MAGI2: variants seen among roughly 807,000 people sequenced by gnomAD.
The protein encoded by MAGI2 is membrane-associated guanylate kinase, WW and PDZ domain-containing protein 2.
A neutral mutation model predicts 133.3 loss-of-function variants in MAGI2; 35 were observed. That is an observed-to-expected ratio of 0.26 (90% CI 0.20 to 0.35). MAGI2 has a LOEUF of 0.35. MAGI2 is among the 10% of genes least tolerant of loss of function. The pLI, the probability that MAGI2 is intolerant of heterozygous loss-of-function variation, is 1.00. For synonymous variants in MAGI2, 729 were observed against 710.6 expected (o/e 1.03, Z -0.41); for missense variants, 1,636 against 1,863.4 (o/e 0.88, Z 2.25).
chr7:79,247,588 G>A (rs910489061), intron 1 of MAGI2, among the ~76,000 whole-genome samples: 5 of 152,118 alleles, frequency 3.3e-5, no homozygotes. Flanking sequence ...ATTCCAGCCT[G>A]AGTGACAGCA....
chr7:78,379,899 G>T (rs1008881546), intron 6 of MAGI2, among the ~76,000 whole-genome samples: 1 of 151,940 alleles, frequency 6.6e-6, no homozygotes, highest in South Asian at 2.1e-4. Context: ...TATGATCAAA[G>T]AAAATTTCAT....
At chr7:79,386,906 G>A (rs1294588609) in intron 1 of MAGI2, among the ~76,000 whole-genome samples, 1 of 152,008 alleles carries the variant, frequency 6.6e-6, no homozygotes, top group African/African-American at 2.4e-5. Flanking sequence ...GAGCCATTCT[G>A]AAGCAGAGAG....
At chr7:78,696,454 A>G (rs991925345) in intron 2 of MAGI2, among the ~76,000 whole-genome samples, 25 of 152,144 alleles carry the variant, frequency 1.6e-4, no homozygotes, top group Non-Finnish European at 8.8e-5. Context: ...CCAAATTACT[A>G]TTACTTCATA....
At chr7:78,889,778 C>A (rs1642901) in intron 2 of MAGI2, among the ~76,000 whole-genome samples, 16 of 151,646 alleles carry the variant, frequency 1.1e-4, no homozygotes, top group Non-Finnish European at 2.1e-4. Context: ...AAAAACATGC[C>A]AAATTGTGAA....
chr7:79,329,024 G>A (rs1839887570), intron 1 of MAGI2, among the ~76,000 whole-genome samples: 1 of 152,186 alleles, frequency 6.6e-6, no homozygotes, highest in African/African-American at 2.4e-5. Flanking sequence ...GTGAAACCCA[G>A]CAATCTGTAT....
chr7:78,562,448 C>T (rs1022862102), intron 3 of MAGI2, among the ~76,000 whole-genome samples: 3 of 152,062 alleles, frequency 2.0e-5, no homozygotes, highest in Non-Finnish European at 4.4e-5. Flanking sequence ...TTTAAAGAAT[C>T]CAAACAGTAG....
At chr7:79,162,583 G>C (rs1824475467) in intron 1 of MAGI2, among the ~76,000 whole-genome samples, 1 of 151,960 alleles carries the variant, frequency 6.6e-6, no homozygotes, top group South Asian at 2.1e-4. Flanking sequence ...AAACTATTAT[G>C]TGTCACCTTT....
chr7:78,837,145 C>T (rs1393513794), intron 2 of MAGI2, among the ~76,000 whole-genome samples: 1 of 152,140 alleles, frequency 6.6e-6, no homozygotes, highest in Non-Finnish European at 1.5e-5. Flanking sequence ...AGATGTGGGC[C>T]TCAGCCTTGT....
intron 9 of MAGI2, among the ~76,000 whole-genome samples, chr7:78,322,985 C>CA (rs1562821162): frequency 7.2e-6 from 1 of 139,428 alleles, no homozygotes; most frequent in African/African-American, 2.7e-5. Context: ...AGAAAAATAT[C>CA]AAAAATATTG....
At chr7:78,894,205 T>G (rs1002340196) in intron 2 of MAGI2, among the ~76,000 whole-genome samples, 1 of 152,160 alleles carries the variant, frequency 6.6e-6, no homozygotes, top group Non-Finnish European at 1.5e-5. Context: ...ATCGAGATGA[T>G]CCTGGCTAAC....
At chr7:78,136,695 T>C (rs1822175876) in intron 16 of MAGI2, among the ~76,000 whole-genome samples, 1 of 152,230 alleles carries the variant, frequency 6.6e-6, no homozygotes, top group Admixed American at 6.5e-5. Context: ...TGGAATCAGG[T>C]ACTGCTTTGA....
At chr7:78,493,685 A>G (rs1425976829) in intron 5 of MAGI2, among the ~76,000 whole-genome samples, 1 of 151,952 alleles carries the variant, frequency 6.6e-6, no homozygotes, top group East Asian at 1.9e-4. Context: ...TTGGCTTTTT[A>G]TACTGAGGTG....
intron 1 of MAGI2, among the ~76,000 whole-genome samples, chr7:79,136,722 A>G (rs1243714534): frequency 6.6e-6 from 1 of 152,156 alleles, no homozygotes; most frequent in Non-Finnish European, 1.5e-5. Context: ...ATATAAGGCT[A>G]CTCATTTTAC....
chr7:78,349,936 AAG>A (rs1791323370), intron 7 of MAGI2, among the ~76,000 whole-genome samples: 1 of 152,224 alleles, frequency 6.6e-6, no homozygotes, highest in South Asian at 2.1e-4. Flanking sequence ...TCTGTGAGGT[AAG>A]TACTAGCTAT....
chr7:79,448,009 CCTAAA>C (rs1848982424), intron 1 of MAGI2, among the ~76,000 whole-genome samples: 1 of 151,808 alleles, frequency 6.6e-6, no homozygotes, highest in Admixed American at 6.6e-5. Flanking sequence ...AGTATAAACT[CCTAAA>C]CTTAATAAAT....
At chr7:79,206,007 A>T (rs1037006185) in intron 1 of MAGI2, among the ~76,000 whole-genome samples, 1 of 151,758 alleles carries the variant, frequency 6.6e-6, no homozygotes, top group Non-Finnish European at 1.5e-5. Context: ...ACAAAATTAA[A>T]AGGGAAATAA....
chr7:79,379,561 A>T (rs1171801884), intron 1 of MAGI2, among the ~76,000 whole-genome samples: 1 of 151,956 alleles, frequency 6.6e-6, no homozygotes, highest in Non-Finnish European at 1.5e-5. Context: ...TGGTTGAACT[A>T]GTTTATAGTC....
At chr7:79,135,130 G>A (rs916260481) in intron 1 of MAGI2, among the ~76,000 whole-genome samples, 7 of 152,092 alleles carry the variant, frequency 4.6e-5, no homozygotes, top group African/African-American at 1.7e-4. Flanking sequence ...TGTGACTATG[G>A]ATATGATTTA....
intron 9 of MAGI2, among the ~76,000 whole-genome samples, chr7:78,279,929 A>G (rs1207492120): frequency 6.6e-6 from 1 of 152,192 alleles, no homozygotes; most frequent in East Asian, 1.9e-4. Context: ...GGACACCTGC[A>G]GGCATCCTCA....
Sources: gnomAD v4.1 joint callset for allele counts (sites outside exome capture counted in the v4.1 genomes callset) on GRCh38, gnomAD v4.1.1 for gene constraint, MANE v1.5 for transcripts, NCBI Gene and HGNC (gene_info 2026-07-23, HGNC 2026-07-21) for gene names.